Variants in ITPR2 observed in about 807,000 individuals in gnomAD.
ITPR2 encodes the protein inositol 1,4,5-trisphosphate receptor type 2.
A neutral mutation model predicts 317.1 loss-of-function variants in ITPR2; 207 were observed. The ratio of observed to expected loss-of-function variants is 0.65; its 90% CI spans 0.58 to 0.73. ITPR2 has a LOEUF of 0.73. ITPR2 is among the 30% of genes least tolerant of loss of function. The pLI is 0.00. For synonymous variants in ITPR2, 1,156 were observed against 1,149.1 expected (o/e 1.01, Z -0.12); for missense variants, 2,613 against 3,284.0 (o/e 0.80, Z 4.99).
chr12:26,658,050 A>G lies in ITPR2; in HGVS notation c.1967T>C (p.Met656Thr). Reference protein sequence around the residue: ...PVTQELICKFMLSPGNADILI... With the variant: ...PVTQELICKFTLSPGNADILI... ...AATGTCTGCATTGCCTGGACTCAACATAAATTTACAGATGAGTTCTTGAGT... is the reference window on the plus strand; with the variant it reads ...AATGTCTGCATTGCCTGGACTCAACGTAAATTTACAGATGAGTTCTTGAGT... The change falls in exon 17 of 57, where the codon ATG becomes ACG. Residue 656 changes from methionine (M) to threonine (T), a missense_variant. By Grantham distance (81) the Met-to-Thr change is moderately conservative. Around this residue, in one of 9 missense-constraint regions of ITPR2, gnomAD observed 817 missense variants for 897.6 expected, o/e 0.91. Transcript: ENST00000381340. The G allele has an allele frequency of 6.2e-7, 1 of 1,613,294 alleles. No individual in the cohort carries two copies. Among genetic ancestry groups the G allele is most frequent in the East Asian group, 2.2e-5 (1 of 44,852 alleles).
intron 42 of ITPR2, among the ~76,000 whole-genome samples, chr12:26,481,531 T>A (rs145859247): frequency 6.6e-6 from 1 of 152,216 alleles, no homozygotes; most frequent in African/African-American, 2.4e-5. Context: ...AAGTTAAATA[T>A]CCTTCCATTC....
At chr12:26,391,612 T>A (rs1210752029) in intron 54 of ITPR2, among the ~76,000 whole-genome samples, 9 of 135,752 alleles carry the variant, frequency 6.6e-5, no homozygotes, top group African/African-American at 2.5e-4. Context: ...TCACCCAGGC[T>A]GGAGCGCAGT....
At chr12:26,777,406 A>G (rs557101935) in intron 2 of ITPR2, among the ~76,000 whole-genome samples, 199 of 152,334 alleles carry the variant, frequency 1.3e-3, no homozygotes, top group Non-Finnish European at 2.3e-3. Flanking sequence ...ATCTAATAGT[A>G]GGAACAACAG....
chr12:26,573,527 T>C (rs528927949), intron 34 of ITPR2, among the ~76,000 whole-genome samples: 1 of 151,906 alleles, frequency 6.6e-6, no homozygotes, highest in South Asian at 2.1e-4. Flanking sequence ...TGACAAGAGC[T>C]AAGAGGAAAA....
At chr12:26,665,213 C>T (rs1947597814) in intron 14 of ITPR2, among the ~76,000 whole-genome samples, 1 of 152,188 alleles carries the variant, frequency 6.6e-6, no homozygotes, top group Non-Finnish European at 1.5e-5. Flanking sequence ...GATGAACAGA[C>T]TGCCCTACTT....
At chr12:26,599,051 C>CCTATGTTTGGAGCTTTTTCA in intron 30 of ITPR2, 94 bp downstream of exon 30, 1 of 1,136,830 alleles carries the variant, frequency 8.8e-7, no homozygotes, top group Non-Finnish European at 1.3e-6. Context: ...ATTTTCCAAA[C>CCTATGTTTGGAGCTTTTTCA]CTATGTTGTT....
chr12:26,422,755 A>G (rs1013910627), intron 49 of ITPR2, among the ~76,000 whole-genome samples: 5 of 152,142 alleles, frequency 3.3e-5, no homozygotes, highest in Non-Finnish European at 5.9e-5. Context: ...CATTGTTCCT[A>G]TGGGAAAACA....
intron 32 of ITPR2, among the ~76,000 whole-genome samples, chr12:26,580,418 C>T (rs1273574836): frequency 6.6e-6 from 1 of 152,154 alleles, no homozygotes; most frequent in African/African-American, 2.4e-5. Context: ...TTTTAATTTG[C>T]TTCTCCCTTC....
intron 21 of ITPR2, among the ~76,000 whole-genome samples, chr12:26,634,107 G>A (rs561444440): frequency 3.3e-5 from 5 of 152,194 alleles, no homozygotes; most frequent in African/African-American, 1.2e-4. Flanking sequence ...CCTGTGGCAC[G>A]TGGTCGCCAC....
At chr12:26,466,400 A>G (rs1162024572) in intron 45 of ITPR2, among the ~76,000 whole-genome samples, 1 of 152,182 alleles carries the variant, frequency 6.6e-6, no homozygotes, top group African/African-American at 2.4e-5. Flanking sequence ...CCACTGATAA[A>G]CTGTAAGAAT....
intron 14 of ITPR2, among the ~76,000 whole-genome samples, chr12:26,664,849 G>A (rs1947587247): frequency 6.6e-6 from 1 of 151,870 alleles, no homozygotes; most frequent in Admixed American, 6.6e-5. Context: ...TATTTTATTT[G>A]AGAAAAAAGT....
intron 13 of ITPR2, among the ~76,000 whole-genome samples, chr12:26,678,428 G>GAGA (rs1555175922): frequency 6.7e-6 from 1 of 148,592 alleles, no homozygotes; most frequent in Admixed American, 6.7e-5. Context: ...GAGAGAGAGA[G>GAGA]AAAAAAAAAA....
intron 55 of ITPR2, among the ~76,000 whole-genome samples, chr12:26,343,841 C>T (rs1591949137): frequency 1.3e-5 from 2 of 152,186 alleles, no homozygotes; most frequent in East Asian, 1.9e-4. Context: ...GCTCTTAATA[C>T]AGACAGGGTG....
At chr12:26,575,739 A>G (rs1054488566) in intron 34 of ITPR2, among the ~76,000 whole-genome samples, 1 of 152,222 alleles carries the variant, frequency 6.6e-6, no homozygotes, top group Non-Finnish European at 1.5e-5. Context: ...ATTTAGACTA[A>G]TATAGTTTCA....
At chr12:26,664,968 G>T (rs1021788883) in intron 14 of ITPR2, among the ~76,000 whole-genome samples, 2 of 152,022 alleles carry the variant, frequency 1.3e-5, no homozygotes, top group African/African-American at 4.8e-5. Context: ...TGATTTTTAT[G>T]TTTTAAGTAT....
chr12:26,720,961 A>C (rs1948827237), intron 5 of ITPR2, among the ~76,000 whole-genome samples: 1 of 152,188 alleles, frequency 6.6e-6, no homozygotes, highest in African/African-American at 2.4e-5. Flanking sequence ...GCTTGAGCTC[A>C]GGTTTTGTTT....
rs1278484970 is a variant in ITPR2, at chr12:26,419,081, G to A, written c.7078C>T (p.Leu2360Phe). ...VAYVLVCMLG[L>F]FVHEFFYSFL... ...CTATAGAAGAATTCATGGACAAAAA[G>A]GCCCAGCATGCAAACCAGGACATAC... The change falls in exon 50 of 57, where the codon CTT (leucine) becomes TTT (phenylalanine). Residue 2360 changes from leucine to phenylalanine, a missense_variant. Transcript: ENST00000381340. 6.2e-7 allele frequency: 1 copy of A among 1,613,442 alleles called. No homozygotes were observed. Among genetic ancestry groups the A allele is most frequent in the Non-Finnish European group, 8.5e-7 (1 of 1,179,744 alleles).
At chr12:26,486,427 C>G in intron 40 of ITPR2, 67 bp from the exon 41 acceptor site, 2 of 774,384 alleles carry the variant, frequency 2.6e-6, no homozygotes. Context: ...AAAAAAAAAA[C>G]AAACCAGGTA....
intron 37 of ITPR2, among the ~76,000 whole-genome samples, chr12:26,541,639 G>A (rs1591877307): frequency 6.6e-6 from 1 of 152,248 alleles, no homozygotes; most frequent in African/African-American, 2.4e-5. Flanking sequence ...ATGCATAGAT[G>A]TGAATGATTC....
Sources: gnomAD v4.1 joint callset for allele counts (sites outside exome capture counted in the v4.1 genomes callset) on GRCh38, gnomAD v4.1.1 for gene constraint, gnomAD v4.1.1 regional missense constraint, MANE v1.5 for transcripts, NCBI Gene and HGNC (gene_info 2026-07-23, HGNC 2026-07-21) for gene names.